Variants in LMLN observed in about 807,000 individuals in gnomAD.
LMLN encodes the protein leishmanolysin-like peptidase.
A neutral mutation model predicts 92.3 loss-of-function variants in LMLN; 70 were observed. That is an observed-to-expected ratio of 0.76 (90% CI 0.63 to 0.92). The LOEUF is 0.92. LMLN is among the 40% of genes least tolerant of loss of function. The pLI is 0.00. For synonymous variants in LMLN, 308 were observed against 296.2 expected (o/e 1.04, Z -0.41); for missense variants, 691 against 814.6 (o/e 0.85, Z 1.85).
intron 1 of LMLN, among the ~76,000 whole-genome samples, chr3:197,968,385 G>T (rs1263303432): frequency 6.6e-6 from 1 of 152,008 alleles, no homozygotes; most frequent in Non-Finnish European, 1.5e-5. Flanking sequence ...CAGGAGAATG[G>T]TGTGAGCTTG....
chr3:197,976,667 C>T (rs768798494), exon 5 of LMLN: 17 of 1,591,676 alleles, frequency 1.1e-5, no homozygotes, highest in Middle Eastern at 1.7e-4. Context: ...GGGAGTGTGC[C>T]GCACACACAA....
chr3:197,975,812 A>G (rs1721361505), intron 3 of LMLN, among the ~76,000 whole-genome samples: 1 of 152,130 alleles, frequency 6.6e-6, no homozygotes, highest in African/African-American at 2.4e-5. Flanking sequence ...ATTTCTGCCT[A>G]ATGCTGTTTT....
intron 1 of LMLN, among the ~76,000 whole-genome samples, chr3:197,968,358 T>A (rs1419655610): frequency 1.3e-5 from 2 of 151,682 alleles, no homozygotes; most frequent in Admixed American, 6.6e-5. Flanking sequence ...TAGTCCCAGC[T>A]ACTTGGGAGG....
chr3:197,970,157 C>A (rs1168832015), intron 1 of LMLN, among the ~76,000 whole-genome samples: 2 of 151,624 alleles, frequency 1.3e-5, no homozygotes, highest in Admixed American at 6.6e-5. Flanking sequence ...CTCAAAAAAA[C>A]CCAAAATAAA....
Position 198,009,523 on chromosome 3 carries a change from G to T in LMLN, c.1233-9730G>T, listed in dbSNP as rs557683105. ...TTTTTCCTCCTCTTCTATTTTTCTGGAAGAGATTGTATAAAATTGGTGTTA... is the reference window on the plus strand; with the variant it reads ...TTTTTCCTCCTCTTCTATTTTTCTGTAAGAGATTGTATAAAATTGGTGTTA... On this transcript the variant is annotated intron_variant, in intron 11 of 15. Transcript: ENST00000330198. Among the ~76,000 whole-genome samples, 11 of 152,168 alleles carry T rather than the reference G, an allele frequency of 7.2e-5. No individual in the cohort carries two copies. In the East Asian group the frequency reaches 1.9e-3, roughly 27 times the overall value.
chr3:198,019,700 G>T lies in LMLN; in HGVS notation c.1365+315G>T, dbSNP rs1022995717. ...AATTCCTCTAATTTACACAGAAAAA[G>T]AAATCTTTAAAGAAAATAACTTAAG... On this transcript the variant is annotated intron_variant, in intron 12 of 15. Transcript: ENST00000330198. This position sits in a 1 kb window ranked among gnomAD's most constrained non-coding sequence, Gnocchi z 5.5. Among the ~76,000 whole-genome samples the T allele has an allele frequency of 6.6e-6, 1 of 152,060 alleles. No individual in the cohort carries two copies. Among genetic ancestry groups the T allele is most frequent in the African/African-American group, 2.4e-5 (1 of 41,414 alleles).
intron 10 of LMLN, among the ~76,000 whole-genome samples, chr3:197,997,051 TC>T (rs1276686512): frequency 7.8e-4 from 118 of 151,398 alleles, no homozygotes; most frequent in African/African-American, 2.7e-3. Flanking sequence ...TTTCTTTCTT[TC>T]CTTCTTTCTT....
intron 11 of LMLN, among the ~76,000 whole-genome samples, chr3:198,006,691 T>C (rs925538845): frequency 6.6e-6 from 1 of 152,024 alleles, no homozygotes; most frequent in Non-Finnish European, 1.5e-5. Context: ...TGATAATATA[T>C]CCTCTTTGGC....
At chr3:198,005,797 G>C (rs1722277354) in intron 11 of LMLN, among the ~76,000 whole-genome samples, 1 of 151,930 alleles carries the variant, frequency 6.6e-6, no homozygotes, top group Admixed American at 6.6e-5. Flanking sequence ...ACCACTCCCG[G>C]CTAATTTTGT....
chr3:198,025,361 A>T lies in LMLN; in HGVS notation c.1656+573A>T, dbSNP rs913687766. On this transcript the variant is annotated intron_variant, in intron 14 of 15. Transcript: ENST00000330198. The surrounding 1 kb of genome is among the most constrained non-coding windows in gnomAD (Gnocchi z 4.3). ...AGAAATCCAAAAAGGGCAAACTACAATTTTTTTTCCTTTTTCTTTTTCTTT... is the reference window on the plus strand; with the variant it reads ...AGAAATCCAAAAAGGGCAAACTACATTTTTTTTTCCTTTTTCTTTTTCTTT... Among the ~76,000 whole-genome samples, 12 of 152,080 alleles carry T rather than the reference A, an allele frequency of 7.9e-5. 1 individual carries two copies. Among genetic ancestry groups the T allele is most frequent in the African/African-American group, 2.2e-4 (9 of 41,488 alleles).
chr3:197,976,122 T>G lies in LMLN; in HGVS notation c.431+11T>G. On this transcript the variant is annotated intron_variant, in intron 4 of 15. Transcript: ENST00000330198. ...TATCTTACTTAGCAGGTATGTCACA[T>G]GAAACACAGATCATTTTCTTCAGCC... 1 of 1,550,216 alleles carries G rather than the reference T, an allele frequency of 6.5e-7. No homozygotes were observed. Among genetic ancestry groups the G allele is most frequent in the Middle Eastern group, 1.7e-4 (1 of 5,922 alleles).
At chr3:198,010,922 A>T (rs1288758167) in intron 11 of LMLN, among the ~76,000 whole-genome samples, 1 of 151,834 alleles carries the variant, frequency 6.6e-6, no homozygotes, top group Non-Finnish European at 1.5e-5. Context: ...ATTTTTAAAA[A>T]TTTTTCTTTG....
intron 3 of LMLN, among the ~76,000 whole-genome samples, chr3:197,975,346 C>T (rs1721340080): frequency 6.6e-6 from 1 of 150,596 alleles, no homozygotes. Context: ...GCAAATCATG[C>T]AGAGAATAGG....
At chr3:197,979,693 G>A (rs1225355123) in intron 5 of LMLN, among the ~76,000 whole-genome samples, 1 of 152,128 alleles carries the variant, frequency 6.6e-6, no homozygotes, top group Non-Finnish European at 1.5e-5. Context: ...GCAGGCACCT[G>A]TAATCCCAGC....
At chr3:197,961,527 A>G (rs1720884804) in intron 1 of LMLN, among the ~76,000 whole-genome samples, 1 of 152,220 alleles carries the variant, frequency 6.6e-6, no homozygotes, top group Non-Finnish European at 1.5e-5. Context: ...ATTCTTTAAA[A>G]AAAATTTCCC....
exon 9 of LMLN, chr3:197,990,596 A>C (rs1457895280): frequency 6.3e-7 from 1 of 1,596,100 alleles, no homozygotes; most frequent in African/African-American, 1.3e-5. Context: ...AGTAGTTCGA[A>C]AAGTGGAGAG....
chr3:198,024,816 C>T (rs958170909), intron 14 of LMLN, 28 bp downstream of exon 15: 3 of 1,560,128 alleles, frequency 1.9e-6, no homozygotes, highest in African/African-American at 2.8e-5. Context: ...ATTAGTTGTG[C>T]CAAATATTAT....
At chr3:197,992,501 A>T (rs772321091) in intron 9 of LMLN, among the ~76,000 whole-genome samples, 178 of 152,366 alleles carry the variant, frequency 1.2e-3, no homozygotes, top group Admixed American at 9.1e-4. Context: ...AGAGACTGTT[A>T]TAAACAATTA....
At chr3:198,007,383 T>C (rs1459453946) in intron 11 of LMLN, among the ~76,000 whole-genome samples, 2 of 151,870 alleles carry the variant, frequency 1.3e-5, no homozygotes, top group Non-Finnish European at 3.0e-5. Flanking sequence ...TCAAGGTTTG[T>C]TTCTTTGTGT....
Sources: allele counts gnomAD v4.1 joint callset (sites outside exome capture counted in the v4.1 genomes callset), GRCh38; gene constraint gnomAD v4.1.1; non-coding constraint Gnocchi (gnomAD v3.1); transcripts MANE v1.5; gene names NCBI Gene and HGNC (gene_info 2026-07-23, HGNC 2026-07-21).